FARS2: variants seen among roughly 807,000 people sequenced by gnomAD.
FARS2 encodes phenylalanine--tRNA ligase, mitochondrial.
A neutral mutation model predicts 46.4 loss-of-function variants in FARS2; 40 were observed. The observed-to-expected ratio is 0.86, with a 90% CI of 0.67 to 1.12. FARS2 has a LOEUF of 1.12. FARS2 is among the 50% of genes most tolerant of loss of function. FARS2 has a pLI of 0.00. For missense variants in FARS2, 513 were observed against 567.9 expected (o/e 0.90, Z 0.98); for synonymous variants, 234 against 214.9 (o/e 1.09, Z -0.78).
chr6:5,350,688 ATG>A (rs938248181), intron 1 of FARS2, among the ~76,000 whole-genome samples: 1 of 152,182 alleles, frequency 6.6e-6, no homozygotes, highest in Non-Finnish European at 1.5e-5. Context: ...AAAATGAATC[ATG>A]TATATATATC....
intron 4 of FARS2, among the ~76,000 whole-genome samples, chr6:5,509,460 G>A (rs1301396232): frequency 6.6e-6 from 1 of 152,244 alleles, no homozygotes; most frequent in South Asian, 2.1e-4. Flanking sequence ...GGGGAAGTGA[G>A]TTGTTCCTGG....
chr6:5,579,651 T>G (rs1773212252), intron 5 of FARS2, among the ~76,000 whole-genome samples: 1 of 152,214 alleles, frequency 6.6e-6, no homozygotes, highest in African/African-American at 2.4e-5. Flanking sequence ...AATATCTTTC[T>G]TTGTCCATTA....
chr6:5,296,183 C>A (rs1303008247), intron 1 of FARS2, among the ~76,000 whole-genome samples: 2 of 110,390 alleles, frequency 1.8e-5, no homozygotes, highest in Non-Finnish European at 3.3e-5. Flanking sequence ...GCTCTGTCGC[C>A]TGGGCTGGAG....
At chr6:5,530,529 G>C (rs1255891346) in intron 4 of FARS2, among the ~76,000 whole-genome samples, 2 of 151,808 alleles carry the variant, frequency 1.3e-5, no homozygotes, top group Non-Finnish European at 2.9e-5. Context: ...TTTGATAACT[G>C]TACTATGGAT....
chr6:5,283,646 C>A (rs1766911472), intron 1 of FARS2, among the ~76,000 whole-genome samples: 1 of 151,790 alleles, frequency 6.6e-6, no homozygotes, highest in Admixed American at 6.6e-5. Context: ...TGGTCTTAGA[C>A]ATTTTCTTAT....
intron 4 of FARS2, among the ~76,000 whole-genome samples, chr6:5,529,705 C>T (rs1213746632): frequency 6.6e-6 from 1 of 152,158 alleles, no homozygotes; most frequent in African/African-American, 2.4e-5. Context: ...TTCTCACAGC[C>T]TTTTTAATGG....
intron 6 of FARS2, among the ~76,000 whole-genome samples, chr6:5,733,540 G>A (rs1760774827): frequency 6.6e-6 from 1 of 152,186 alleles, no homozygotes; most frequent in South Asian, 2.1e-4. Context: ...CCCCAGGTGG[G>A]TTTATATTTT....
intron 4 of FARS2, among the ~76,000 whole-genome samples, chr6:5,533,579 T>G (rs1372665173): frequency 3.9e-5 from 6 of 152,212 alleles, no homozygotes; most frequent in Admixed American, 1.3e-4. Context: ...GCTGCCCTCA[T>G]GCACTGCAGG....
intron 5 of FARS2, among the ~76,000 whole-genome samples, chr6:5,546,405 T>TGCC: frequency 1.3e-5 from 2 of 151,052 alleles, no homozygotes; most frequent in Non-Finnish European, 3.0e-5. Flanking sequence ...CGCCCACCAC[T>TGCC]ACGCCCAGCT....
At chr6:5,709,733 TGTGTGTGTGTGTGCGCGCGCGC>T (rs1759015896) in intron 6 of FARS2, among the ~76,000 whole-genome samples, 1 of 128,768 alleles carries the variant, frequency 7.8e-6, no homozygotes, top group South Asian at 2.5e-4. Context: ...GGTGGGGTTG[TGTGTGTGTGTGTGCGCGCGCGC>T]GTGTGTGTGT....
chr6:5,706,267 C>T (rs781411385), intron 6 of FARS2, among the ~76,000 whole-genome samples: 2 of 152,220 alleles, frequency 1.3e-5, no homozygotes, highest in African/African-American at 4.8e-5. Flanking sequence ...CTTCCTGCCA[C>T]GCAGCCTGCT....
intron 1 of FARS2, among the ~76,000 whole-genome samples, chr6:5,355,604 G>A (rs4960082): frequency 0.2 from 29,593 of 151,734 alleles, 3,401 homozygotes; most frequent in East Asian, 0.49. Flanking sequence ...TGATCCGTAC[G>A]CCTCGGCCTC....
intron 6 of FARS2, among the ~76,000 whole-genome samples, chr6:5,735,820 T>C (rs373268627): frequency 3.3e-5 from 5 of 152,204 alleles, no homozygotes; most frequent in African/African-American, 1.2e-4. Context: ...TGGACCTGTC[T>C]GTGGCACCGT....
At chr6:5,535,876 G>A (rs1364112564) in intron 4 of FARS2, among the ~76,000 whole-genome samples, 1 of 151,848 alleles carries the variant, frequency 6.6e-6, no homozygotes, top group African/African-American at 2.4e-5. Context: ...TGCACTCCTG[G>A]GGTAAATCCA....
At chr6:5,575,937 A>G (rs1772935530) in intron 5 of FARS2, among the ~76,000 whole-genome samples, 1 of 152,164 alleles carries the variant, frequency 6.6e-6, no homozygotes, top group African/African-American at 2.4e-5. Flanking sequence ...CAGGAGGGGC[A>G]TGATGTCAGT....
At chr6:5,684,315 C>A (rs554017630) in intron 6 of FARS2, among the ~76,000 whole-genome samples, 2 of 152,250 alleles carry the variant, frequency 1.3e-5, no homozygotes, top group East Asian at 3.9e-4. Context: ...TTCTGCCGCA[C>A]GCCCATCACC....
At chr6:5,769,077 C>T (rs533321019) in intron 6 of FARS2, among the ~76,000 whole-genome samples, 2 of 152,162 alleles carry the variant, frequency 1.3e-5, no homozygotes, top group African/African-American at 4.8e-5. Context: ...ATTTACTCAT[C>T]TGTTTTCTTC....
rs1477168036 is a variant in FARS2, at chr6:5,630,464, C to CTA, written c.1217+17145_1217+17146dup. Among the ~76,000 whole-genome samples, 14 of 152,156 alleles carry CTA rather than the reference C, an allele frequency of 9.2e-5. No individual in the cohort carries two copies. ...GTATTTATTCCACAAATGTTCATAA[C>CTA]TAGAGAATACTTGATTTAATGGATT... is the stretch of plus-strand genomic sequence containing the variant. On this transcript the variant is annotated intron_variant, in intron 6 of 6. Coordinates refer to ENST00000274680, the MANE Select transcript of FARS2 (RefSeq NM_006567.5). This position sits in a 1 kb window ranked among gnomAD's most constrained non-coding sequence, Gnocchi z 4.2.
intron 1 of FARS2, among the ~76,000 whole-genome samples, chr6:5,355,065 G>T (rs1323833200): frequency 6.6e-6 from 1 of 152,076 alleles, no homozygotes; most frequent in Non-Finnish European, 1.5e-5. Context: ...TAACTTGTGT[G>T]TAAAACGTAG....
Sources: allele counts gnomAD v4.1 joint callset (sites outside exome capture counted in the v4.1 genomes callset), GRCh38; gene constraint gnomAD v4.1.1; non-coding constraint Gnocchi (gnomAD v3.1); transcripts MANE v1.5; gene names NCBI Gene and HGNC (gene_info 2026-07-23, HGNC 2026-07-21).